GRID1: variants seen among roughly 807,000 people sequenced by gnomAD.
GRID1 encodes the protein glutamate receptor ionotropic, delta-1.
Under a neutral mutation model 98.0 loss-of-function variants are expected in GRID1, and 28 were observed. The observed-to-expected ratio is 0.29, with a 90% CI of 0.21 to 0.39. GRID1 has a LOEUF of 0.39. GRID1 is among the 10% of genes least tolerant of loss of function. The pLI is 1.00. For synonymous variants in GRID1, 553 were observed against 538.5 expected, an observed-to-expected ratio of 1.03 and a Z score of -0.37; for missense variants, 1,111 against 1,340.5, an observed-to-expected ratio of 0.83 and a Z score of 2.67.
At chr10:86,273,605 C>G (rs908904054) in intron 2 of GRID1, among the ~76,000 whole-genome samples, 9 of 151,956 alleles carry the variant, frequency 5.9e-5, no homozygotes, top group Non-Finnish European at 8.8e-5. Flanking sequence ...GATTGCCATT[C>G]TAACTGGTGT....
At chr10:85,617,963 CCTT>C (rs1341302163) in intron 14 of GRID1, among the ~76,000 whole-genome samples, 2 of 152,192 alleles carry the variant, frequency 1.3e-5, no homozygotes, top group Non-Finnish European at 2.9e-5. Context: ...ACATCTCACT[CCTT>C]CTGCCCCCAG....
At chr10:86,336,045 T>G (rs1232132178) in intron 2 of GRID1, among the ~76,000 whole-genome samples, 3 of 152,166 alleles carry the variant, frequency 2.0e-5, no homozygotes, top group Non-Finnish European at 2.9e-5. Flanking sequence ...CACATGAACA[T>G]CACACCTGTT....
intron 4 of GRID1, among the ~76,000 whole-genome samples, chr10:86,085,408 G>A (rs1844037457): frequency 6.6e-6 from 1 of 152,174 alleles, no homozygotes; most frequent in Non-Finnish European, 1.5e-5. Context: ...GCAGGCAAGT[G>A]TGAGAAAATG....
At chr10:85,689,807 A>G (rs573952482) in intron 12 of GRID1, among the ~76,000 whole-genome samples, 2 of 152,320 alleles carry the variant, frequency 1.3e-5, no homozygotes, top group African/African-American at 4.8e-5. Flanking sequence ...GAAGTCTTAC[A>G]TGGTAGAGAA....
At chr10:85,866,386 A>G (rs1449502248) in intron 6 of GRID1, among the ~76,000 whole-genome samples, 1 of 150,376 alleles carries the variant, frequency 6.6e-6, no homozygotes, top group African/African-American at 2.4e-5. Context: ...AGTAATGATG[A>G]TAATAGGTTA....
chr10:85,700,064 C>T (rs934653186), intron 12 of GRID1, among the ~76,000 whole-genome samples: 2 of 152,188 alleles, frequency 1.3e-5, no homozygotes, highest in African/African-American at 2.4e-5. Context: ...CCCAGGCATG[C>T]TGGCGTTCTT....
intron 15 of GRID1, among the ~76,000 whole-genome samples, chr10:85,611,216 C>A (rs959042872): frequency 6.6e-6 from 1 of 152,196 alleles, no homozygotes. Context: ...CTGTCTCTCT[C>A]ACACACATAG....
chr10:85,896,771 A>G (rs1360751144), intron 5 of GRID1, among the ~76,000 whole-genome samples: 1 of 152,180 alleles, frequency 6.6e-6, no homozygotes, highest in Non-Finnish European at 1.5e-5. Flanking sequence ...TGAGACAGGC[A>G]CTATGATAAA....
chr10:86,161,330 G>C (rs1845319581), intron 3 of GRID1, among the ~76,000 whole-genome samples: 1 of 152,172 alleles, frequency 6.6e-6, no homozygotes, highest in Non-Finnish European at 1.5e-5. Flanking sequence ...TGGTGTAAGA[G>C]GGAAGACAGG....
At chr10:85,733,046 A>G (rs1391943756) in intron 8 of GRID1, among the ~76,000 whole-genome samples, 2 of 152,190 alleles carry the variant, frequency 1.3e-5, no homozygotes, top group Non-Finnish European at 2.9e-5. Flanking sequence ...ATTTACAGAA[A>G]AGTTGTAGAT....
chr10:86,167,135 C>T (rs953175178), intron 3 of GRID1, among the ~76,000 whole-genome samples: 1 of 152,184 alleles, frequency 6.6e-6, no homozygotes, highest in Non-Finnish European at 1.5e-5. Flanking sequence ...ATCAGGGAGA[C>T]CTGAGGTTTT....
chr10:86,042,117 G>C (rs1843355028), intron 4 of GRID1, among the ~76,000 whole-genome samples: 1 of 152,180 alleles, frequency 6.6e-6, no homozygotes, highest in Non-Finnish European at 1.5e-5. Context: ...AAACTGGGAG[G>C]GTCTCCAGAG....
intron 4 of GRID1, among the ~76,000 whole-genome samples, chr10:86,001,344 GACACAAACC>G (rs915102323): frequency 2.0e-5 from 3 of 151,496 alleles, no homozygotes; most frequent in African/African-American, 7.3e-5. Context: ...AAAAAAAAAT[GACACAAACC>G]ACACAAAACA....
chr10:86,357,892 C>T (rs534101070), intron 2 of GRID1, among the ~76,000 whole-genome samples: 1 of 152,268 alleles, frequency 6.6e-6, no homozygotes, highest in East Asian at 1.9e-4. Context: ...GGCGGCAAAG[C>T]AAGATTGACT....
chr10:86,334,892 G>C (rs143990514), intron 2 of GRID1, among the ~76,000 whole-genome samples: 1 of 152,200 alleles, frequency 6.6e-6, no homozygotes, highest in East Asian at 1.9e-4. Flanking sequence ...CCAGCCAGCG[G>C]TGCTGGCAGG....
intron 2 of GRID1, chr10:86,264,792 C>A (rs756289089): frequency 4.1e-6 from 2 of 486,498 alleles, no homozygotes; most frequent in Non-Finnish European, 8.5e-6. Context: ...AGAGACCTCC[C>A]ACACGCTCGT....
At chr10:86,230,703 T>A (rs1283040629) in intron 2 of GRID1, among the ~76,000 whole-genome samples, 1 of 152,168 alleles carries the variant, frequency 6.6e-6, no homozygotes, top group Non-Finnish European at 1.5e-5. Flanking sequence ...AAATTCCTAC[T>A]CATACTTCAA....
At chr10:85,708,321 G>A (rs902474164) in intron 12 of GRID1, among the ~76,000 whole-genome samples, 16 of 151,544 alleles carry the variant, frequency 1.1e-4, no homozygotes, top group Non-Finnish European at 1.9e-4. Flanking sequence ...GGAGAATGGC[G>A]TGAGCCCAGG....
At chr10:86,161,957 C>A (rs915791947) in intron 3 of GRID1, among the ~76,000 whole-genome samples, 1 of 152,098 alleles carries the variant, frequency 6.6e-6, no homozygotes, top group Non-Finnish European at 1.5e-5. Flanking sequence ...TACAAATTTC[C>A]GATTGTCACT....
Sources: allele counts gnomAD v4.1 joint callset (sites outside exome capture counted in the v4.1 genomes callset), GRCh38; gene constraint gnomAD v4.1.1; transcripts MANE v1.5; gene names NCBI Gene and HGNC (gene_info 2026-07-23, HGNC 2026-07-21).